The following IQGAP2 variants were observed in gnomAD, a reference collection of about 807,000 sequenced individuals.
IQGAP2 encodes the protein IQ motif containing GTPase activating protein 2.
A neutral mutation model predicts 201.3 loss-of-function variants in IQGAP2; 173 were observed. The observed-to-expected ratio is 0.86, with a 90% CI of 0.76 to 0.98. The LOEUF (loss-of-function observed/expected upper bound fraction) is 0.98, where lower values mean the gene tolerates loss of function less well. Ranked by LOEUF, IQGAP2 falls within the 50% of genes least tolerant of loss-of-function variation. The pLI is 0.00. For missense variants in IQGAP2, 1,687 were observed against 1,864.8 expected (o/e 0.90, Z 1.76); for synonymous variants, 675 against 673.9 (o/e 1.00, Z -0.03).
At chr5:76,443,351 T>C (rs1316661817) in intron 1 of IQGAP2, among the ~76,000 whole-genome samples, 1 of 152,140 alleles carries the variant, frequency 6.6e-6, no homozygotes, top group Admixed American at 6.5e-5. Context: ...TGTGAGAGGA[T>C]GGCATGCATC....
intron 13 of IQGAP2, chr5:76,623,505 A>G (rs960656288): frequency 6.8e-6 from 3 of 442,956 alleles, no homozygotes; most frequent in East Asian, 3.8e-5. Context: ...CCCACCCCCA[A>G]CAATCTATTC....
At chr5:76,506,099 G>T (rs1580342299) in intron 2 of IQGAP2, among the ~76,000 whole-genome samples, 1 of 152,352 alleles carries the variant, frequency 6.6e-6, no homozygotes, top group South Asian at 2.1e-4. Flanking sequence ...AGATGAACTA[G>T]TGTGAAGTCA....
intron 2 of IQGAP2, among the ~76,000 whole-genome samples, chr5:76,493,359 C>T (rs1407644726): frequency 1.3e-5 from 2 of 151,950 alleles, no homozygotes; most frequent in African/African-American, 4.8e-5. Context: ...TCCTCTCACC[C>T]CTATAAAGCT....
intron 1 of IQGAP2, among the ~76,000 whole-genome samples, chr5:76,413,842 C>G (rs1341541607): frequency 6.6e-6 from 1 of 152,146 alleles, no homozygotes; most frequent in African/African-American, 2.4e-5. Context: ...ATGCTTGCTT[C>G]AGAATGTAGA....
At chr5:76,588,369 A>G (rs1746393302) in intron 5 of IQGAP2, among the ~76,000 whole-genome samples, 1 of 152,156 alleles carries the variant, frequency 6.6e-6, no homozygotes, top group Non-Finnish European at 1.5e-5. Flanking sequence ...TTTATTCTCC[A>G]TCTTCCACTT....
chr5:76,551,757 G>T (rs991193183), intron 2 of IQGAP2, among the ~76,000 whole-genome samples: 1 of 152,012 alleles, frequency 6.6e-6, no homozygotes, highest in Non-Finnish European at 1.5e-5. Context: ...TGCAGGCTGA[G>T]GCAGGAGAAT....
intron 2 of IQGAP2, among the ~76,000 whole-genome samples, chr5:76,483,459 T>C (rs1580289466): frequency 1.3e-5 from 2 of 152,310 alleles, no homozygotes; most frequent in South Asian, 2.1e-4. Context: ...ATAATTCGTA[T>C]TGGAACAACT....
At chr5:76,407,010 G>A (rs1297538957) in intron 1 of IQGAP2, among the ~76,000 whole-genome samples, 2 of 151,984 alleles carry the variant, frequency 1.3e-5, no homozygotes, top group Admixed American at 6.6e-5. Context: ...GCAGTATCTT[G>A]CTCTCTCACC....
At position 76,673,559 on chromosome 5, in the gene IQGAP2, A is replaced by T. The variant is rs542306666; in HGVS notation, c.3179A>T (p.Asn1060Ile). ...NLRRVTDKVLNSIISSLDLLP... is the reference protein window; with the variant it reads ...NLRRVTDKVLISIISSLDLLP... ...AGAAGGGTCACCGACAAAGTCCTGA[A>T]TTCTATCATTTCTTCCCTTGATCTA... The change falls in exon 25 of 36, where the codon AAT (asparagine) becomes ATT (isoleucine). Residue 1060 changes from asparagine (N) to isoleucine (I), a missense_variant. Coordinates refer to ENST00000274364, the MANE Select transcript of IQGAP2 (RefSeq NM_006633.5). 3.6e-5 allele frequency: 58 copies of T among 1,614,010 alleles called. No individual in the cohort carries two copies. In the South Asian group the frequency reaches 5.6e-4, roughly 16 times the overall value.
At chr5:76,645,907 A>G (rs566038975) in intron 17 of IQGAP2, among the ~76,000 whole-genome samples, 1 of 151,976 alleles carries the variant, frequency 6.6e-6, no homozygotes, top group African/African-American at 2.4e-5. Flanking sequence ...ATCTGTTACT[A>G]TGACAGGTCA....
intron 14 of IQGAP2, 152 bp downstream of exon 14, chr5:76,627,652 T>A: frequency 1.7e-6 from 1 of 576,518 alleles, no homozygotes; most frequent in Non-Finnish European, 3.1e-6. Flanking sequence ...TTGGTTGCCC[T>A]ATTGTCAGTG....
intron 3 of IQGAP2, among the ~76,000 whole-genome samples, chr5:76,568,139 C>T (rs1321589313): frequency 2.6e-5 from 4 of 152,230 alleles, no homozygotes; most frequent in South Asian, 4.1e-4. Flanking sequence ...AATTCACTAA[C>T]GAAAGTGTGC....
At chr5:76,610,185 T>A (rs557249307) in intron 12 of IQGAP2, among the ~76,000 whole-genome samples, 1 of 126,606 alleles carries the variant, frequency 7.9e-6, no homozygotes, top group East Asian at 2.5e-4. Context: ...CAGGCTAGAG[T>A]GCAGTGGTGC....
At chr5:76,702,691 A>AGAAAACCAGTGCCAACCTTATTTGCC in intron 35 of IQGAP2, 101 bp downstream of exon 35, 1 of 603,516 alleles carries the variant, frequency 1.7e-6, no homozygotes, top group South Asian at 2.3e-5. Context: ...AAAGTTTAAC[A>AGAAAACCAGTGCCAACCTTATTTGCC]GAAAACCAGT....
chr5:76,526,180 T>TTGA (rs1286026432), intron 2 of IQGAP2, among the ~76,000 whole-genome samples: 2 of 152,300 alleles, frequency 1.3e-5, no homozygotes, highest in Non-Finnish European at 2.9e-5. Context: ...TATAAAAGCG[T>TTGA]TGATGAGACC....
Position 76,699,966 on chromosome 5 carries a change from T to C in IQGAP2, c.4368-1110T>C, listed in dbSNP as rs1435411190. ...CTCACTCTCGTGCTCTCTCTCTCTA[T>C]ATATATATATATACAAAAATACACT... On this transcript the variant is annotated intron_variant, in intron 33 of 35. Transcript: ENST00000274364. Among the ~76,000 whole-genome samples the C allele has an allele frequency of 7.4e-5, 9 of 120,820 alleles. 2 individuals carry two copies. The highest frequency in any genetic ancestry group is 1.1e-4 in the Non-Finnish European group (6 of 57,066). The allele number at this position is 120,820 out of a possible 152,430, so 79.3% of individuals were successfully genotyped here.
chr5:76,438,042 T>TTTTTTTG (rs1752817817), intron 1 of IQGAP2, among the ~76,000 whole-genome samples: 1 of 148,430 alleles, frequency 6.7e-6, no homozygotes. Context: ...TTTGTTTTTT[T>TTTTTTTG]TTTTGTTTTT....
rs149171743 is a variant in IQGAP2, at chr5:76,469,950, G to A, written c.146+8281G>A. Among the ~76,000 whole-genome samples, 1,418 of 152,182 alleles carry A rather than the reference G, an allele frequency of 9.3e-3. 26 individuals are homozygous for A. Among genetic ancestry groups the A allele is most frequent in the African/African-American group, 0.032 (1,334 of 41,506 alleles). ...GCTTAAAACAATAAACATTTATCTC[G>A]GAATTTTTGAGGGTCAGAAATCTGT... On this transcript the variant is annotated intron_variant, in intron 2 of 35. Transcript: ENST00000274364.
Position 76,496,753 on chromosome 5 carries a change from C to CTTTCT in IQGAP2, c.146+35087_146+35091dup, listed in dbSNP as rs1561416420. ...TCTTTCTTTCTTTCTTTCTTTCTTT[C>CTTTCT]TTTCTTTCTTTCTTTCTTTCTTTCT... On this transcript the variant is annotated intron_variant, in intron 2 of 35. Transcript: ENST00000274364. Among the ~76,000 whole-genome samples, 514 of 65,460 alleles carry CTTTCT rather than the reference C, an allele frequency of 7.9e-3. 20 individuals carry two copies. The highest frequency in any genetic ancestry group is 0.015 in the African/African-American group (161 of 10,702). The allele number at this position is 65,460 out of a possible 152,430, so 42.9% of individuals were successfully genotyped here.
Sources: allele counts gnomAD v4.1 joint callset (sites outside exome capture counted in the v4.1 genomes callset), GRCh38; gene constraint gnomAD v4.1.1; transcripts MANE v1.5; gene names NCBI Gene and HGNC (gene_info 2026-07-23, HGNC 2026-07-21).